The following MAP3K5 variants were observed in gnomAD, a reference collection of about 807,000 sequenced individuals.
The protein encoded by MAP3K5 is ASK-1.
In MAP3K5, 56 loss-of-function variants were observed where a neutral mutation model predicts 158.7. That is an observed-to-expected ratio of 0.35 (90% CI 0.28 to 0.44). MAP3K5 has a LOEUF of 0.44. Among genes scored for constraint, MAP3K5 ranks in the 20% least tolerant of loss-of-function variants. The pLI, the probability that MAP3K5 is intolerant of heterozygous loss-of-function variation, is 1.00. For synonymous variants in MAP3K5, 579 were observed against 601.7 expected, an observed-to-expected ratio of 0.96 and a Z score of 0.55; for missense variants, 1,294 against 1,674.8, an observed-to-expected ratio of 0.77 and a Z score of 3.97.
intron 1 of MAP3K5, among the ~76,000 whole-genome samples, chr6:136,764,688 T>C (rs1478534501): frequency 1.3e-5 from 2 of 152,170 alleles, no homozygotes; most frequent in Non-Finnish European, 2.9e-5. Flanking sequence ...AACGCAGACC[T>C]CTCAAAATCA....
intron 1 of MAP3K5, among the ~76,000 whole-genome samples, chr6:136,768,235 T>G (rs532426250): frequency 6.6e-6 from 1 of 152,292 alleles, no homozygotes; most frequent in South Asian, 2.1e-4. Context: ...AAACATTTTG[T>G]GCTTCAAAAG....
At chr6:136,584,204 A>G (rs1355169677) in intron 23 of MAP3K5, among the ~76,000 whole-genome samples, 1 of 152,240 alleles carries the variant, frequency 6.6e-6, no homozygotes, top group Non-Finnish European at 1.5e-5. Context: ...AGATTTGAGC[A>G]ATAAGCCATA....
At chr6:136,789,156 TA>T (rs1325366590) in intron 1 of MAP3K5, among the ~76,000 whole-genome samples, 1 of 151,608 alleles carries the variant, frequency 6.6e-6, no homozygotes, top group Non-Finnish European at 1.5e-5. Flanking sequence ...TAAAATAAAA[TA>T]AAATTAGCCC....
chr6:136,755,202 C>T (rs1224603177), intron 1 of MAP3K5, among the ~76,000 whole-genome samples: 1 of 152,100 alleles, frequency 6.6e-6, no homozygotes, highest in Admixed American at 6.6e-5. Flanking sequence ...TCTCTAATGC[C>T]CTGCTTAGCT....
chr6:136,587,278 C>G (rs9402829), intron 23 of MAP3K5, among the ~76,000 whole-genome samples: 3,130 of 152,110 alleles, frequency 0.021, 58 homozygotes, highest in East Asian at 0.073. Context: ...AATACAATGG[C>G]AATAATTACT....
chr6:136,772,483 C>G (rs897943897), intron 1 of MAP3K5, among the ~76,000 whole-genome samples: 2 of 150,324 alleles, frequency 1.3e-5, no homozygotes, highest in African/African-American at 4.9e-5. Flanking sequence ...GGGGCAGTGG[C>G]GGGGGGCTTC....
chr6:136,724,937 C>T (rs1781903607), intron 1 of MAP3K5, among the ~76,000 whole-genome samples: 1 of 152,126 alleles, frequency 6.6e-6, no homozygotes, highest in Non-Finnish European at 1.5e-5. Flanking sequence ...GTTAGTCTTC[C>T]CCACACCCCA....
intron 7 of MAP3K5, among the ~76,000 whole-genome samples, 198 bp from the exon 8 acceptor site, chr6:136,669,593 C>T (rs372539230): frequency 1.6e-4 from 25 of 152,052 alleles, no homozygotes; most frequent in African/African-American, 5.3e-4. Context: ...TGCTTTCCCC[C>T]GCTTAGCTCA....
intron 1 of MAP3K5, among the ~76,000 whole-genome samples, chr6:136,740,884 T>C (rs1284264871): frequency 6.6e-6 from 1 of 152,252 alleles, no homozygotes; most frequent in Non-Finnish European, 1.5e-5. Flanking sequence ...AATTGGATCC[T>C]ACTGCTCTGT....
At chr6:136,732,000 A>C (rs1782246425) in intron 1 of MAP3K5, among the ~76,000 whole-genome samples, 2 of 152,196 alleles carry the variant, frequency 1.3e-5, no homozygotes, top group Admixed American at 1.3e-4. Context: ...AGAAGAAAAA[A>C]AGAGAAAGAT....
At chr6:136,733,639 T>A (rs181848855) in intron 1 of MAP3K5, among the ~76,000 whole-genome samples, 2 of 152,304 alleles carry the variant, frequency 1.3e-5, no homozygotes, top group African/African-American at 4.8e-5. Context: ...AAAAAACCTT[T>A]TTTTTTAGAG....
In MAP3K5 at chr6:136,557,813, C is replaced by G; in HGVS notation, c.4070G>C (p.Gly1357Ala). 3 of 1,608,266 alleles carry G rather than the reference C, an allele frequency of 1.9e-6. No homozygotes were observed. The highest frequency in any genetic ancestry group is 2.6e-6 in the Non-Finnish European group (3 of 1,174,708). The change falls in exon 30 of 30, where the codon GGG (glycine) becomes GCG (alanine). Residue 1357 changes from glycine to alanine, a missense_variant. This residue lies in a region of MAP3K5 where 199 missense variants were observed against 220.3 expected (regional missense o/e 0.90). Coordinates refer to ENST00000359015, the MANE Select transcript of MAP3K5 (RefSeq NM_005923.4). Reference sequence around the variant, plus strand: ...AGCCTTCCACAGTGTGCACAGCATCCCTCCCCTGTTTAAAGACACAAGAAC... The same window carrying G: ...AGCCTTCCACAGTGTGCACAGCATCGCTCCCCTGTTTAAAGACACAAGAAC... ...DDLKCLRLRG[G>A]MLCTLWKAII...
intron 18 of MAP3K5, among the ~76,000 whole-genome samples, chr6:136,606,516 A>G (rs1776108892): frequency 6.6e-6 from 1 of 152,236 alleles, no homozygotes; most frequent in African/African-American, 2.4e-5. Context: ...ACACTTAAGT[A>G]CAACTACCTC....
At chr6:136,722,335 T>C (rs1006053836) in intron 1 of MAP3K5, among the ~76,000 whole-genome samples, 1 of 152,164 alleles carries the variant, frequency 6.6e-6, no homozygotes, top group African/African-American at 2.4e-5. Flanking sequence ...AAGAAGATAA[T>C]TTCTTAAAAA....
At chr6:136,757,948 C>G (rs1488421443) in intron 1 of MAP3K5, among the ~76,000 whole-genome samples, 1 of 152,000 alleles carries the variant, frequency 6.6e-6, no homozygotes, top group African/African-American at 2.4e-5. Flanking sequence ...TTAGGGAACA[C>G]AAAAATAAAA....
Position 136,761,231 on chromosome 6 carries a change from G to A in MAP3K5, c.448+30479C>T, listed in dbSNP as rs903510927. 8.2e-5 allele frequency among the ~76,000 whole-genome samples: 12 copies of A among 146,884 alleles called. No individual in the cohort carries two copies. In the South Asian group the frequency reaches 1.9e-3, roughly 24 times the overall value. ...ACTGAATAGGACAAATACTTGTAGA[G>A]CACCTATTACATGTGAGCACTACGG... On this transcript the variant is annotated intron_variant, in intron 1 of 29. Transcript: ENST00000359015.
intron 2 of MAP3K5, among the ~76,000 whole-genome samples, chr6:136,710,291 G>A (rs1752815686): frequency 6.6e-6 from 1 of 152,176 alleles, no homozygotes; most frequent in Non-Finnish European, 1.5e-5. Context: ...CTATGAATAA[G>A]AAGATAAAAT....
chr6:136,775,571 C>T (rs75236202), intron 1 of MAP3K5, among the ~76,000 whole-genome samples: 4 of 152,132 alleles, frequency 2.6e-5, no homozygotes, highest in Non-Finnish European at 5.9e-5. Context: ...GTAACATGCA[C>T]CTAACTCCCC....
chr6:136,670,066 C>G (rs746937190), intron 7 of MAP3K5, among the ~76,000 whole-genome samples: 1 of 151,854 alleles, frequency 6.6e-6, no homozygotes, highest in Non-Finnish European at 1.5e-5. Context: ...AATAAACTGT[C>G]AATTATAGGA....
Sources: allele counts gnomAD v4.1 joint callset (sites outside exome capture counted in the v4.1 genomes callset), GRCh38; gene constraint gnomAD v4.1.1; regional missense constraint gnomAD v4.1.1; transcripts MANE v1.5; gene names NCBI Gene and HGNC (gene_info 2026-07-23, HGNC 2026-07-21).